The following HEATR5B variants were observed in gnomAD, a reference collection of about 807,000 sequenced individuals.
HEATR5B encodes the protein HEAT repeat containing 5B, also known as HEAT repeat-containing protein 5B.
In HEATR5B, 156 loss-of-function variants were observed where a neutral mutation model predicts 224.1. The observed-to-expected ratio is 0.70, with a 90% CI of 0.61 to 0.80. The LOEUF (loss-of-function observed/expected upper bound fraction) is 0.80, where lower values mean the gene tolerates loss of function less well. Ranked by LOEUF, HEATR5B falls within the 30% of genes least tolerant of loss-of-function variation. The pLI is 0.00. For synonymous variants in HEATR5B, 1,027 were observed against 893.0 expected (o/e 1.15, Z -2.68); for missense variants, 2,323 against 2,535.5 (o/e 0.92, Z 1.80).
At chr2:37,002,631 C>T (rs971246063) in intron 31 of HEATR5B, 59 bp from the exon 32 acceptor site, 46 of 1,534,970 alleles carry the variant, frequency 3.0e-5, no homozygotes, top group Non-Finnish European at 3.8e-5. Context: ...TAAAACAACA[C>T]AAGTATATTT....
chr2:37,081,142 G>T (rs957935398), intron 2 of HEATR5B, among the ~76,000 whole-genome samples: 16 of 152,116 alleles, frequency 1.1e-4, no homozygotes, highest in African/African-American at 3.6e-4. Context: ...CTGTTTCAGT[G>T]GAGTGGAAGT....
rs1025389494 is a variant in HEATR5B at position 36,998,012 on chromosome 2, A to G, written c.5545+2574T>C. On this transcript the variant is annotated intron_variant, in intron 33 of 35. Coordinates refer to ENST00000233099, the MANE Select transcript of HEATR5B (RefSeq NM_019024.3). Reference sequence around the variant, plus strand: ...AATTTATTTCTCAAACAGCTAACCAATGTGCTTTTATCATATATTATATTT... The same window carrying G: ...AATTTATTTCTCAAACAGCTAACCAGTGTGCTTTTATCATATATTATATTT... Among the ~76,000 whole-genome samples the G allele has an allele frequency of 2.0e-5, 3 of 152,332 alleles. No individual in the cohort carries two copies. In the East Asian group the frequency reaches 5.8e-4, roughly 29 times the overall value.
chr2:37,072,428 T>G (rs968871894), intron 5 of HEATR5B, 147 bp from the exon 6 acceptor site: 14 of 566,750 alleles, frequency 2.5e-5, no homozygotes, highest in African/African-American at 2.4e-4. Context: ...ACACTGGACA[T>G]CAGGCAATGA....
chr2:36,996,175 C>T (rs1335423424), intron 33 of HEATR5B, among the ~76,000 whole-genome samples: 1 of 151,958 alleles, frequency 6.6e-6, no homozygotes, highest in Non-Finnish European at 1.5e-5. Flanking sequence ...ATTCTTCTGC[C>T]TCAGCCTCCT....
At chr2:37,064,274 G>A (rs1432489360) in intron 10 of HEATR5B, among the ~76,000 whole-genome samples, 1 of 146,782 alleles carries the variant, frequency 6.8e-6, no homozygotes, top group Non-Finnish European at 1.5e-5. Flanking sequence ...TATATCTAAG[G>A]TTGGGTTTTT....
At chr2:37,011,761 G>C (rs866361376) in intron 27 of HEATR5B, among the ~76,000 whole-genome samples, 1 of 152,150 alleles carries the variant, frequency 6.6e-6, no homozygotes, top group Non-Finnish European at 1.5e-5. Flanking sequence ...ATCCTAGAAA[G>C]ATGAAATACA....
chr2:37,049,936 G>A (rs1670434323), intron 17 of HEATR5B, 93 bp from the exon 18 acceptor site: 1 of 1,236,500 alleles, frequency 8.1e-7, no homozygotes, highest in Non-Finnish European at 1.1e-6. Context: ...CCTTGCCCAG[G>A]CTGGAGTGCA....
rs771712901 is a variant in HEATR5B at position 37,060,730 on chromosome 2, G to T, written c.1700C>A (p.Pro567Gln). Residue 567 changes from proline (P) to glutamine (Q), a missense_variant, in exon 12 of 36, where the codon CCA becomes CAA. This residue lies in a region of HEATR5B where 502 missense variants were observed against 517.8 expected (regional missense o/e 0.97). Transcript: ENST00000233099. ...LLLGALMTLG[P>Q]SVVRYHLPKM... Reference sequence around the variant, plus strand: ...GGGCAGATGGTAACGAACGACAGATGGTCCTAGCCAAGAAAATGAGAATAC... The same window carrying T: ...GGGCAGATGGTAACGAACGACAGATTGTCCTAGCCAAGAAAATGAGAATAC... 2.5e-6 allele frequency: 4 copies of T among 1,611,172 alleles called. No homozygotes were observed. The highest frequency in any genetic ancestry group is 4.5e-5 in the East Asian group (2 of 44,754).
chr2:37,076,986 T>C lies in HEATR5B; in HGVS notation c.372A>G (p.Glu124=). 5 of 1,614,158 alleles carry C rather than the reference T, an allele frequency of 3.1e-6. No individual in the cohort carries two copies. The South Asian group carries it at 4.4e-5, about 14-fold the overall frequency. The change falls in exon 4 of 36, where the codon GAA becomes GAG. Residue 124 remains glutamate (E), a synonymous_variant. Transcript: ENST00000233099. ...CGCTGCCCAACATTCTCCCCATTTT[T>C]TCATAAAATGCTCCGACACAAGCCA... ...AAVACVGAFY[E]KMGRMLGSAF...
intron 16 of HEATR5B, among the ~76,000 whole-genome samples, chr2:37,053,843 A>G (rs560518770): frequency 1.3e-5 from 2 of 152,070 alleles, no homozygotes; most frequent in South Asian, 4.1e-4. Flanking sequence ...TAAGGTCACA[A>G]TTGCAGTGGT....
intron 21 of HEATR5B, among the ~76,000 whole-genome samples, chr2:37,036,191 T>A (rs181638949): frequency 1.4e-4 from 22 of 152,258 alleles, no homozygotes; most frequent in African/African-American, 5.1e-4. Context: ...ATTATGTCAC[T>A]CCCCTGCAGA....
At position 37,060,561 on chromosome 2, in the gene HEATR5B, A is replaced by G. The variant is rs1483441291; in HGVS notation, c.1849+20T>C. On this transcript the variant is annotated intron_variant, in intron 12 of 35. Coordinates refer to ENST00000233099, the MANE Select transcript of HEATR5B (RefSeq NM_019024.3). ...TAGTTATGTCATAATATTGTGAAGC[A>G]CAATCCTTTCAGTTCTTACCACATA... 13 of 1,597,202 alleles carry G rather than the reference A, an allele frequency of 8.1e-6. No homozygotes were observed. The highest frequency in any genetic ancestry group is 1.1e-5 in the Non-Finnish European group (13 of 1,171,032).
chr2:37,017,687 C>CAAAAAAAA (rs1056240189), intron 26 of HEATR5B, among the ~76,000 whole-genome samples: 1 of 61,690 alleles, frequency 1.6e-5, no homozygotes, highest in Non-Finnish European at 2.9e-5. Context: ...AATTCCGTCT[C>CAAAAAAAA]AAAAAAAAAA....
At chr2:37,051,343 A>G (rs1670533862) in intron 17 of HEATR5B, among the ~76,000 whole-genome samples, 1 of 142,698 alleles carries the variant, frequency 7.0e-6, no homozygotes. Context: ...CAACAGGGCG[A>G]AACTCCATCT....
intron 34 of HEATR5B, among the ~76,000 whole-genome samples, chr2:36,989,899 C>A (rs372754914): frequency 2.2e-5 from 2 of 88,904 alleles, no homozygotes; most frequent in Non-Finnish European, 4.0e-5. Flanking sequence ...AGAATGTTTC[C>A]TTTTTTTTTT....
intron 16 of HEATR5B, 72 bp downstream of exon 16, chr2:37,056,368 G>A: frequency 9.6e-7 from 1 of 1,039,276 alleles, no homozygotes; most frequent in Non-Finnish European, 1.4e-6. Context: ...AGTTAACTGG[G>A]ATGAGAAAAT....
At position 37,038,016 on chromosome 2, in the gene HEATR5B, C is replaced by T. The variant is rs369652571; in HGVS notation, c.3055G>A (p.Ala1019Thr). The change falls in exon 21 of 36, where the codon GCA (alanine) becomes ACA (threonine). Residue 1019 changes from alanine (A) to threonine (T), a missense_variant. Transcript: ENST00000233099. ...GAGGAACGAATTGTAGAAGTTGTTG[C>T]TCCATTCCCTGGTGCAAAATGAAAG... ...TVGPELQGNGATTSTIRSSCL... is the reference protein window; with the variant it reads ...TVGPELQGNGTTTSTIRSSCL... The T allele has an allele frequency of 3.2e-5, 49 of 1,516,992 alleles. No individual in the cohort carries two copies. Among genetic ancestry groups the T allele is most frequent in the South Asian group, 2.7e-4 (20 of 72,994 alleles). The allele number at this position is 1,516,992 out of a possible 1,614,324, so 94.0% of individuals were successfully genotyped here.
At chr2:37,037,795 T>C in intron 21 of HEATR5B, 60 bp downstream of exon 21, 1 of 1,299,904 alleles carries the variant, frequency 7.7e-7, no homozygotes, top group South Asian at 2.4e-5. Flanking sequence ...ATAAAAAATT[T>C]TTTAAATGTA....
Position 37,028,877 on chromosome 2 carries a change from G to C in HEATR5B, c.3405C>G (p.Ile1135Met). The change falls in exon 23 of 36, where the codon ATC becomes ATG. Residue 1135 changes from isoleucine (I) to methionine (M), a missense_variant. By Grantham distance (10) the Ile-to-Met change is conservative. Transcript: ENST00000233099. ...TATTAACACCTTGGTGCCGGCAATG[G>C]ATATCAGTTCGAGAACTAACCCCAG... ...FAPGVSSRTD[I>M]HCRHQGVNIT... is the part of the protein sequence containing the mutation. The C allele has an allele frequency of 6.2e-7, 1 of 1,613,882 alleles. No individual in the cohort carries two copies. The highest frequency in any genetic ancestry group is 8.5e-7 in the Non-Finnish European group (1 of 1,179,794).
Sources: gnomAD v4.1 joint callset for allele counts (sites outside exome capture counted in the v4.1 genomes callset) on GRCh38, gnomAD v4.1.1 for gene constraint, gnomAD v4.1.1 regional missense constraint, MANE v1.5 for transcripts, NCBI Gene and HGNC (gene_info 2026-07-23, HGNC 2026-07-21) for gene names.